Variants in KCNIP1 observed in about 807,000 individuals in gnomAD.
The protein encoded by KCNIP1 is potassium voltage-gated channel interacting protein 1.
Under a neutral mutation model 33.0 loss-of-function variants are expected in KCNIP1, and 18 were observed. The observed-to-expected ratio is 0.55, with a 90% CI of 0.38 to 0.81. KCNIP1 has a LOEUF of 0.81. KCNIP1 is among the 30% of genes least tolerant of loss of function. KCNIP1 has a pLI of 0.00. For missense variants in KCNIP1, 238 were observed against 271.6 expected (o/e 0.88, Z 0.87); for synonymous variants, 93 against 98.3 (o/e 0.95, Z 0.32).
chr5:170,713,795 G>T (rs1376770706), intron 1 of KCNIP1, among the ~76,000 whole-genome samples: 1 of 152,098 alleles, frequency 6.6e-6, no homozygotes, highest in Non-Finnish European at 1.5e-5. Flanking sequence ...GCCAAGGTGG[G>T]CAGATCACCT....
intron 1 of KCNIP1, among the ~76,000 whole-genome samples, chr5:170,650,547 A>C (rs552856661): frequency 6.6e-6 from 1 of 152,320 alleles, no homozygotes; most frequent in African/African-American, 2.4e-5. Context: ...CTTTGTATGG[A>C]TATACCACAG....
At chr5:170,595,040 A>G (rs978705267) in intron 1 of KCNIP1, among the ~76,000 whole-genome samples, 3 of 152,094 alleles carry the variant, frequency 2.0e-5, no homozygotes, top group Admixed American at 6.5e-5. Context: ...GGTCCCCCAC[A>G]CCATTTCCTC....
chr5:170,403,315 A>C (rs10475543), intron 1 of KCNIP1, among the ~76,000 whole-genome samples: 29,320 of 152,226 alleles, frequency 0.19, 3,057 homozygotes, highest in African/African-American at 0.27. Context: ...CAGTTAGGAA[A>C]GATTCAAGAG....
At chr5:170,534,162 A>T (rs1755884390) in intron 1 of KCNIP1, among the ~76,000 whole-genome samples, 1 of 152,256 alleles carries the variant, frequency 6.6e-6, no homozygotes, top group African/African-American at 2.4e-5. Context: ...GGATACTTTT[A>T]TAAAGAGGTT....
upstream of KCNIP1, among the ~76,000 whole-genome samples, chr5:170,501,789 A>T (rs1351418295): frequency 6.6e-6 from 1 of 152,220 alleles, no homozygotes; most frequent in Non-Finnish European, 1.5e-5. Context: ...CTCAGCAAAG[A>T]GCTCTCCTCT....
intron 1 of KCNIP1, among the ~76,000 whole-genome samples, chr5:170,532,669 C>G (rs1755826181): frequency 6.6e-6 from 1 of 152,122 alleles, no homozygotes; most frequent in Non-Finnish European, 1.5e-5. Context: ...CCATGGATCA[C>G]AGGTCACGAT....
chr5:170,554,339 G>A (rs1250013187), intron 1 of KCNIP1, among the ~76,000 whole-genome samples: 4 of 152,158 alleles, frequency 2.6e-5, no homozygotes, highest in Non-Finnish European at 5.9e-5. Flanking sequence ...TTGCATGCCA[G>A]CTTATCCGGA....
rs923290980 is a variant in KCNIP1 at position 170,561,962 on chromosome 5, T to A, written c.61+57329T>A. Among the ~76,000 whole-genome samples the A allele has an allele frequency of 6.6e-5, 10 of 152,358 alleles. No individual in the cohort carries two copies. In the East Asian group the frequency reaches 1.9e-3, roughly 29 times the overall value. On this transcript the variant is annotated intron_variant, in intron 1 of 7. Transcript: ENST00000328939. ...ATCATAAAGTCAATAAATTGTAAAT[T>A]GAACCATTCTAAGTCCAGATGCTCC...
At chr5:170,441,016 C>T (rs146225409) in intron 1 of KCNIP1, among the ~76,000 whole-genome samples, 12 of 152,302 alleles carry the variant, frequency 7.9e-5, no homozygotes, top group East Asian at 1.9e-4. Flanking sequence ...CTCGGTCTGC[C>T]GTCGCCCTTT....
intron 1 of KCNIP1, among the ~76,000 whole-genome samples, chr5:170,533,918 G>A (rs768237121): frequency 5.3e-5 from 8 of 152,174 alleles, no homozygotes; most frequent in East Asian, 3.9e-4. Flanking sequence ...GTGGGAGGGC[G>A]GTTGACTGGG....
intron 1 of KCNIP1, among the ~76,000 whole-genome samples, chr5:170,530,667 G>A (rs1755755067): frequency 6.6e-6 from 1 of 152,196 alleles, no homozygotes; most frequent in African/African-American, 2.4e-5. Flanking sequence ...TTTTCCCCAA[G>A]GTGGGTATTC....
At chr5:170,677,107 TTAA>T (rs1442516946) in intron 1 of KCNIP1, among the ~76,000 whole-genome samples, 1 of 152,220 alleles carries the variant, frequency 6.6e-6, no homozygotes, top group African/African-American at 2.4e-5. Flanking sequence ...TAGCTTATGG[TTAA>T]TAATAACAGT....
At chr5:170,588,534 G>T (rs991999620) in intron 1 of KCNIP1, among the ~76,000 whole-genome samples, 17 of 152,304 alleles carry the variant, frequency 1.1e-4, no homozygotes, top group African/African-American at 4.1e-4. Context: ...GATGCCACGT[G>T]ATTGTTTAAA....
chr5:170,420,906 G>C (rs937699672), intron 1 of KCNIP1, among the ~76,000 whole-genome samples: 3 of 152,164 alleles, frequency 2.0e-5, no homozygotes, highest in Non-Finnish European at 4.4e-5. Context: ...CACACTCTAA[G>C]GACTCAATAG....
intron 1 of KCNIP1, among the ~76,000 whole-genome samples, chr5:170,624,732 T>TG (rs549130383): frequency 6.8e-4 from 9 of 13,226 alleles, no homozygotes; most frequent in South Asian, 4.1e-3. Flanking sequence ...ACCGGGGAGG[T>TG]GGGGGGGGAG....
intron 1 of KCNIP1, among the ~76,000 whole-genome samples, chr5:170,517,322 C>T (rs780896441): frequency 1.3e-5 from 2 of 152,204 alleles, no homozygotes; most frequent in African/African-American, 4.8e-5. Flanking sequence ...AAACTGCCCC[C>T]ATGATCTGGT....
At chr5:170,639,109 C>T (rs1760423530) in intron 1 of KCNIP1, 1 of 152,236 alleles carries the variant, frequency 6.6e-6, no homozygotes. Flanking sequence ...TGTCTGGCCA[C>T]TACAGCTGCT....
intron 1 of KCNIP1, among the ~76,000 whole-genome samples, chr5:170,516,972 T>G (rs1353147740): frequency 6.6e-6 from 1 of 152,126 alleles, no homozygotes; most frequent in Non-Finnish European, 1.5e-5. Flanking sequence ...ATGTTTGTGA[T>G]GGTGGTGTGA....
intron 1 of KCNIP1, among the ~76,000 whole-genome samples, chr5:170,507,766 G>A (rs879015671): frequency 6.6e-6 from 1 of 152,184 alleles, no homozygotes; most frequent in African/African-American, 2.4e-5. Context: ...TTCAGGGAGC[G>A]CTCTCTAAAG....
Sources: allele counts gnomAD v4.1 joint callset (sites outside exome capture counted in the v4.1 genomes callset), GRCh38; gene constraint gnomAD v4.1.1; transcripts MANE v1.5; gene names NCBI Gene and HGNC (gene_info 2026-07-23, HGNC 2026-07-21).